The following GULP1 variants were observed in gnomAD, a reference collection of about 807,000 sequenced individuals.
The protein encoded by GULP1 is PTB domain-containing engulfment adapter protein 1.
GULP1 carries 19 observed loss-of-function variants against 40.9 expected under a neutral mutation model. That is an observed-to-expected ratio of 0.46 (90% CI 0.32 to 0.68). The LOEUF (loss-of-function observed/expected upper bound fraction) is 0.68, where lower values mean the gene tolerates loss of function less well. GULP1 is among the 30% of genes least tolerant of loss of function. The pLI is 0.03. For synonymous variants in GULP1, 119 were observed against 117.6 expected (o/e 1.01, Z -0.08); for missense variants, 312 against 362.2 (o/e 0.86, Z 1.12).
chr2:188,307,273 T>G (rs1327805279), intron 1 of GULP1, among the ~76,000 whole-genome samples: 4 of 152,168 alleles, frequency 2.6e-5, no homozygotes, highest in African/African-American at 9.6e-5. Flanking sequence ...TAGAACAACT[T>G]CAACGTATCA....
At chr2:188,440,212 A>G (rs1290754324) in intron 2 of GULP1, among the ~76,000 whole-genome samples, 1 of 152,242 alleles carries the variant, frequency 6.6e-6, no homozygotes. Flanking sequence ...ATTGTTGGGA[A>G]GCTGTAGCAG....
intron 2 of GULP1, among the ~76,000 whole-genome samples, chr2:188,473,802 A>G (rs2060789817): frequency 6.6e-6 from 1 of 152,142 alleles, no homozygotes; most frequent in African/African-American, 2.4e-5. Flanking sequence ...GGTGCAAGAC[A>G]AAGTCCCCTT....
chr2:188,432,815 C>G (rs181496873), intron 2 of GULP1, among the ~76,000 whole-genome samples: 2 of 152,064 alleles, frequency 1.3e-5, no homozygotes, highest in Admixed American at 6.6e-5. Flanking sequence ...ACTCTATTTT[C>G]AAGCCAATTT....
At chr2:188,347,507 CA>C (rs1284920285) in intron 1 of GULP1, among the ~76,000 whole-genome samples, 2 of 151,806 alleles carry the variant, frequency 1.3e-5, no homozygotes, top group South Asian at 2.1e-4. Flanking sequence ...TCAAAAAGTC[CA>C]AAAAAGTCAG....
At chr2:188,460,268 A>C (rs2059591383) in intron 2 of GULP1, among the ~76,000 whole-genome samples, 1 of 152,116 alleles carries the variant, frequency 6.6e-6, no homozygotes, top group South Asian at 2.1e-4. Context: ...TGATTCTTCC[A>C]ACCCACGAAC....
At chr2:188,553,634 T>A (rs1444562615) in intron 7 of GULP1, among the ~76,000 whole-genome samples, 1 of 152,062 alleles carries the variant, frequency 6.6e-6, no homozygotes, top group South Asian at 2.1e-4. Context: ...TGTTGTTGTA[T>A]CCTTATCTGG....
chr2:188,317,775 G>T, intron 1 of GULP1, among the ~76,000 whole-genome samples: 1 of 149,234 alleles, frequency 6.7e-6, no homozygotes. Context: ...TTTAAAATAT[G>T]CTATTAAGTG....
chr2:188,369,911 A>G (rs1344979448), intron 1 of GULP1, among the ~76,000 whole-genome samples: 1 of 152,028 alleles, frequency 6.6e-6, no homozygotes. Flanking sequence ...TGGTGCCATC[A>G]TGGCTCACGT....
intron 2 of GULP1, among the ~76,000 whole-genome samples, chr2:188,391,088 T>G (rs997430612): frequency 6.6e-6 from 1 of 152,138 alleles, no homozygotes; most frequent in African/African-American, 2.4e-5. Flanking sequence ...TTTGGCTGTT[T>G]GAGCACTTTT....
At chr2:188,506,958 A>G (rs2063978503) in intron 4 of GULP1, among the ~76,000 whole-genome samples, 1 of 152,000 alleles carries the variant, frequency 6.6e-6, no homozygotes, top group South Asian at 2.1e-4. Context: ...GCAGCAAGCC[A>G]AAAGCACTTT....
intron 11 of GULP1, chr2:188,591,378 T>A (rs1486656892): frequency 6.6e-6 from 1 of 152,080 alleles, no homozygotes. Context: ...AAAGGGTAGC[T>A]TGTTATTAAT....
chr2:188,396,329 T>A (rs2051266234), intron 2 of GULP1, among the ~76,000 whole-genome samples: 2 of 152,176 alleles, frequency 1.3e-5, no homozygotes, highest in Non-Finnish European at 2.9e-5. Context: ...TCCCCACATG[T>A]GGGACAAACA....
chr2:188,537,169 C>A (rs780864001), intron 6 of GULP1, among the ~76,000 whole-genome samples: 19 of 151,664 alleles, frequency 1.3e-4, no homozygotes, highest in Non-Finnish European at 2.4e-4. Context: ...TATTTTGAAG[C>A]CTTCTCTTTT....
At chr2:188,381,131 G>A (rs899682742) in intron 1 of GULP1, among the ~76,000 whole-genome samples, 13 of 152,068 alleles carry the variant, frequency 8.5e-5, no homozygotes, top group African/African-American at 3.1e-4. Flanking sequence ...CCCTAAGCCA[G>A]TCTGAGTTTT....
intron 2 of GULP1, among the ~76,000 whole-genome samples, chr2:188,402,973 A>G (rs1351094836): frequency 6.6e-6 from 1 of 152,182 alleles, no homozygotes; most frequent in African/African-American, 2.4e-5. Context: ...AATGGCAAAG[A>G]TGGGATTAGA....
chr2:188,460,925 G>C (rs906496348), intron 2 of GULP1, among the ~76,000 whole-genome samples: 1 of 152,112 alleles, frequency 6.6e-6, no homozygotes, highest in Admixed American at 6.6e-5. Context: ...CTGTTTTTAT[G>C]ATGTAACACA....
intron 1 of GULP1, among the ~76,000 whole-genome samples, chr2:188,369,762 C>T (rs2047354851): frequency 6.6e-6 from 1 of 152,192 alleles, no homozygotes; most frequent in South Asian, 2.1e-4. Context: ...TGGTTTTCTG[C>T]TCCAGCTACA....
In GULP1 at chr2:188,567,999, T is replaced by C. The variant is rs539973225; in HGVS notation, c.400-1240T>C. Among the ~76,000 whole-genome samples the C allele has an allele frequency of 9.2e-5, 14 of 152,294 alleles. No homozygotes were observed. In the South Asian group the frequency reaches 2.3e-3, roughly 25 times the overall value. ...TTCATTTATTTGGTAGTTTTTATTA[T>C]AGCTCGTTGTTTACTTTCTTGTCTT... is the stretch of plus-strand genomic sequence containing the variant. On this transcript the variant is annotated intron_variant, in intron 7 of 11. Coordinates refer to ENST00000409830, the MANE Select transcript of GULP1 (RefSeq NM_016315.4).
chr2:188,542,756 C>A (rs768897384), intron 7 of GULP1, among the ~76,000 whole-genome samples: 64 of 152,026 alleles, frequency 4.2e-4, no homozygotes, highest in Non-Finnish European at 8.1e-4. Context: ...TTACATATTT[C>A]AAGTGTTTTT....
Sources: allele counts gnomAD v4.1 joint callset (sites outside exome capture counted in the v4.1 genomes callset), GRCh38; gene constraint gnomAD v4.1.1; transcripts MANE v1.5; gene names NCBI Gene and HGNC (gene_info 2026-07-23, HGNC 2026-07-21).